The following COL27A1 variants were observed in gnomAD, a reference collection of about 807,000 sequenced individuals.
COL27A1 encodes the protein collagen alpha-1(XXVII) chain.
In COL27A1, 106 loss-of-function variants were observed where a neutral mutation model predicts 251.3. The ratio of observed to expected loss-of-function variants is 0.42; its 90% CI spans 0.36 to 0.50. The LOEUF is 0.50. Ranked by LOEUF, COL27A1 falls within the 20% of genes least tolerant of loss-of-function variation. The pLI is 0.00. For missense variants in COL27A1, 2,325 were observed against 2,522.8 expected (o/e 0.92, Z 1.68); for synonymous variants, 1,000 against 986.3 (o/e 1.01, Z -0.26).
chr9:114,154,616 C>T (rs1848022964), upstream of COL27A1, among the ~76,000 whole-genome samples: 1 of 152,124 alleles, frequency 6.6e-6, no homozygotes, highest in African/African-American at 2.4e-5. The surrounding 1 kb of genome is among the most constrained non-coding windows in gnomAD (Gnocchi z 5.8). Context: ...CCTGTGTAAG[C>T]ATCCGTGTGC....
chr9:114,173,385 T>G (rs1252372554), intron 3 of COL27A1, among the ~76,000 whole-genome samples: 1 of 152,228 alleles, frequency 6.6e-6, no homozygotes, highest in Non-Finnish European at 1.5e-5. Context: ...CCTTACGAAA[T>G]GCAGGTCGTC....
At chr9:114,161,810 C>T (rs1379285798) in intron 1 of COL27A1, among the ~76,000 whole-genome samples, 1 of 152,226 alleles carries the variant, frequency 6.6e-6, no homozygotes, top group Non-Finnish European at 1.5e-5. Flanking sequence ...TGCCTTTGCC[C>T]ATCTTGGCAA....
intron 4 of COL27A1, among the ~76,000 whole-genome samples, chr9:114,181,972 G>A (rs927271721): frequency 1.3e-5 from 2 of 152,120 alleles, no homozygotes; most frequent in Non-Finnish European, 2.9e-5. Flanking sequence ...TGTAGCCACA[G>A]GAGAGGTGCA....
intron 18 of COL27A1, 85 bp from the exon 19 acceptor site, chr9:114,237,577 A>G: frequency 8.7e-7 from 1 of 1,148,822 alleles, no homozygotes; most frequent in Non-Finnish European, 1.3e-6. Context: ...CTTTCCAACC[A>G]TCCACAACCA....
chr9:114,179,334 G>C (rs868238398), intron 4 of COL27A1, among the ~76,000 whole-genome samples: 2 of 152,128 alleles, frequency 1.3e-5, no homozygotes, highest in Admixed American at 1.3e-4. Flanking sequence ...CATGAAGCAC[G>C]TGCCCTCTGG....
At position 114,290,453 on chromosome 9, in the gene COL27A1, C is replaced by A; in HGVS notation, c.4368+122C>A. Reference sequence around the variant, plus strand: ...CTTGGATGGGCAGAACCAACACATCCAGAAGTTCTCTGGGGTGGGCAACCA... The same window carrying A: ...CTTGGATGGGCAGAACCAACACATCAAGAAGTTCTCTGGGGTGGGCAACCA... On this transcript the variant is annotated intron_variant, in intron 47 of 60. Transcript: ENST00000356083. This position sits in a 1 kb window ranked among gnomAD's most constrained non-coding sequence, Gnocchi z 4.6. 1.2e-6 allele frequency: 1 copy of A among 823,270 alleles called. No homozygotes were observed. The allele number at this position is 823,270 out of a possible 1,614,324, so 51.0% of individuals were successfully genotyped here. A position where few individuals can be genotyped will look rare whatever the true frequency, so the allele number is the denominator to read the frequency against.
At chr9:114,199,242 T>C (rs987398623) in intron 7 of COL27A1, among the ~76,000 whole-genome samples, 1 of 152,038 alleles carries the variant, frequency 6.6e-6, no homozygotes, top group Non-Finnish European at 1.5e-5. Flanking sequence ...TTTTGGCCAT[T>C]ACCTACAACT....
chr9:114,212,234 C>G (rs540158706), intron 12 of COL27A1, among the ~76,000 whole-genome samples: 1 of 152,206 alleles, frequency 6.6e-6, no homozygotes, highest in African/African-American at 2.4e-5. Flanking sequence ...ACCTGATGCT[C>G]CCAGCTTCAG....
At chr9:114,235,503 C>A in intron 16 of COL27A1, 96 bp from the exon 17 acceptor site, 1 of 935,984 alleles carries the variant, frequency 1.1e-6, no homozygotes, top group Non-Finnish European at 1.8e-6. Flanking sequence ...TGGGAAACAG[C>A]CTCGGCACAG....
At chr9:114,274,592 T>C (rs1214192989) in intron 36 of COL27A1, among the ~76,000 whole-genome samples, 1 of 152,150 alleles carries the variant, frequency 6.6e-6, no homozygotes, top group Non-Finnish European at 1.5e-5. Flanking sequence ...CCAGAGAAAG[T>C]ATTCTGCAGC....
chr9:114,162,649 C>G, intron 1 of COL27A1, 66 bp from the exon 2 acceptor site: 2 of 1,241,924 alleles, frequency 1.6e-6, no homozygotes, highest in Non-Finnish European at 2.4e-6. Flanking sequence ...CCCAGCTTCC[C>G]CAGCCGGATC....
intron 41 of COL27A1, among the ~76,000 whole-genome samples, chr9:114,285,900 C>T (rs945374484): frequency 6.6e-6 from 1 of 152,252 alleles, no homozygotes; most frequent in Non-Finnish European, 1.5e-5. Context: ...AACACCAAAT[C>T]TGCCCTAAGG....
At chr9:114,181,271 C>A (rs1183863943) in intron 4 of COL27A1, among the ~76,000 whole-genome samples, 1 of 152,060 alleles carries the variant, frequency 6.6e-6, no homozygotes, top group African/African-American at 2.4e-5. Flanking sequence ...CAGGGGAGGG[C>A]AGGAGGGCTG....
intron 7 of COL27A1, 52 bp from the exon 8 acceptor site, chr9:114,205,050 C>A: frequency 6.3e-7 from 1 of 1,580,356 alleles, no homozygotes; most frequent in Non-Finnish European, 8.7e-7. Flanking sequence ...TTGCGATCTC[C>A]AGGACCAGAT....
intron 28 of COL27A1, among the ~76,000 whole-genome samples, chr9:114,260,709 G>A (rs535297699): frequency 3.6e-4 from 55 of 152,234 alleles, no homozygotes; most frequent in African/African-American, 1.3e-3. Flanking sequence ...TGAGGACGCT[G>A]ACTAGAACCT....
intron 11 of COL27A1, 78 bp from the exon 12 acceptor site, chr9:114,210,904 C>G: frequency 6.7e-7 from 1 of 1,487,818 alleles, no homozygotes; most frequent in South Asian, 1.1e-5. Flanking sequence ...CCGTGGGTGG[C>G]TCTGGGCTGG....
At chr9:114,308,974 A>AC (rs2131697631) in intron 59 of COL27A1, among the ~76,000 whole-genome samples, 1 of 151,660 alleles carries the variant, frequency 6.6e-6, no homozygotes, top group East Asian at 1.9e-4. Flanking sequence ...CAGCCCAAAG[A>AC]CCCCCCATAC....
At chr9:114,276,433 C>T (rs900465691) in intron 37 of COL27A1, among the ~76,000 whole-genome samples, 8 of 152,204 alleles carry the variant, frequency 5.3e-5, no homozygotes, top group African/African-American at 1.9e-4. Flanking sequence ...TGGTGAAACC[C>T]CGTCTCTACT....
At chr9:114,172,982 G>C (rs953885515) in intron 3 of COL27A1, among the ~76,000 whole-genome samples, 1 of 152,262 alleles carries the variant, frequency 6.6e-6, no homozygotes, top group African/African-American at 2.4e-5. Context: ...GGCTGTGTCT[G>C]CATGTGCAAA....
Sources: allele counts gnomAD v4.1 joint callset (sites outside exome capture counted in the v4.1 genomes callset), GRCh38; gene constraint gnomAD v4.1.1; non-coding constraint Gnocchi (gnomAD v3.1); transcripts MANE v1.5; gene names NCBI Gene and HGNC (gene_info 2026-07-23, HGNC 2026-07-21).